RBBP5: variants seen among roughly 807,000 people sequenced by gnomAD.
The protein encoded by RBBP5 is RB binding protein 5, histone lysine methyltransferase complex subunit.
Under a neutral mutation model 72.2 loss-of-function variants are expected in RBBP5, and 5 were observed. The ratio of observed to expected loss-of-function variants is 0.07; its 90% CI spans 0.04 to 0.15. The LOEUF (loss-of-function observed/expected upper bound fraction) is 0.15, where lower values mean the gene tolerates loss of function less well. Among genes scored for constraint, RBBP5 ranks in the 10% least tolerant of loss-of-function variants. RBBP5 has a pLI of 1.00. For missense variants in RBBP5, 322 were observed against 652.2 expected, an observed-to-expected ratio of 0.49 and a Z score of 5.51; for synonymous variants, 209 against 237.2, an observed-to-expected ratio of 0.88 and a Z score of 1.09.
At chr1:205,109,954 T>C (rs989912306) in intron 3 of RBBP5, among the ~76,000 whole-genome samples, 1 of 152,070 alleles carries the variant, frequency 6.6e-6, no homozygotes, top group Non-Finnish European at 1.5e-5. Context: ...GCACCTCTGC[T>C]TGGGAGCTCC....
At chr1:205,113,047 G>A (rs749087610) in intron 3 of RBBP5, among the ~76,000 whole-genome samples, 1 of 152,078 alleles carries the variant, frequency 6.6e-6, no homozygotes, top group Non-Finnish European at 1.5e-5. Context: ...GGGATTTCAA[G>A]GTTGCAGTGA....
chr1:205,116,258 C>T (rs1574719498), intron 1 of RBBP5: 4 of 379,626 alleles, frequency 1.1e-5, no homozygotes, highest in Non-Finnish European at 2.0e-5. Flanking sequence ...TAACTACTCA[C>T]ATAAACATGT....
intron 13 of RBBP5, among the ~76,000 whole-genome samples, chr1:205,089,056 G>T (rs570386434): frequency 1.3e-5 from 2 of 152,288 alleles, no homozygotes; most frequent in African/African-American, 4.8e-5. Context: ...AGGGTTGGGG[G>T]AAAAGCAAAA....
chr1:205,090,066 C>T (rs1196533810), intron 13 of RBBP5, among the ~76,000 whole-genome samples: 1 of 152,148 alleles, frequency 6.6e-6, no homozygotes, highest in Non-Finnish European at 1.5e-5. Flanking sequence ...GTTGGCCAGA[C>T]TGGGCTTGAA....
chr1:205,104,045 T>A (rs368971450), intron 4 of RBBP5, 26 bp from the exon 5 acceptor site: 6 of 1,596,558 alleles, frequency 3.8e-6, no homozygotes, highest in Non-Finnish European at 5.1e-6. Flanking sequence ...AACAGTACAT[T>A]GGCTGTTGCT....
chr1:205,112,263 A>T (rs1196136824), intron 3 of RBBP5, among the ~76,000 whole-genome samples: 3 of 152,148 alleles, frequency 2.0e-5, no homozygotes, highest in African/African-American at 7.2e-5. Context: ...GGTTGCAGTG[A>T]GCCGAGATCG....
chr1:205,100,667 C>T (rs1461802079), intron 6 of RBBP5, among the ~76,000 whole-genome samples: 2 of 151,776 alleles, frequency 1.3e-5, no homozygotes, highest in East Asian at 1.9e-4. Flanking sequence ...ACTGTAATGA[C>T]ATTGAAAATC....
At chr1:205,111,833 G>A (rs1016584501) in intron 3 of RBBP5, among the ~76,000 whole-genome samples, 8 of 152,080 alleles carry the variant, frequency 5.3e-5, no homozygotes, top group Non-Finnish European at 5.9e-5. Context: ...TGGCAGACGA[G>A]GTTCTCCATG....
chr1:205,114,339 T>G (rs1656439566), intron 3 of RBBP5, among the ~76,000 whole-genome samples: 1 of 152,222 alleles, frequency 6.6e-6, no homozygotes, highest in Non-Finnish European at 1.5e-5. Context: ...TTACAGCAGA[T>G]TTCAACTGTT....
chr1:205,112,516 A>G (rs1656357299), intron 3 of RBBP5, among the ~76,000 whole-genome samples: 1 of 152,146 alleles, frequency 6.6e-6, no homozygotes, highest in Non-Finnish European at 1.5e-5. Context: ...CTAATCATCT[A>G]GAATTTCTCA....
At chr1:205,105,210 T>C (rs973043730) in intron 3 of RBBP5, 42 bp from the exon 4 acceptor site, 6 of 1,581,932 alleles carry the variant, frequency 3.8e-6, no homozygotes, top group Non-Finnish European at 5.2e-6. Context: ...ATTCTAAGTA[T>C]ATCATACCAC....
rs1655762162 is a variant in RBBP5, at chr1:205,100,143, G to C, written c.752+9C>G. 2 of 1,614,208 alleles carry C rather than the reference G, an allele frequency of 1.2e-6. No homozygotes were observed. The highest frequency in any genetic ancestry group is 1.7e-6 in the Non-Finnish European group (2 of 1,180,040). On this transcript the variant is annotated intron_variant, in intron 7 of 13. Transcript: ENST00000264515. ...ATGATCACATATTCTTCTAGGTTGT[G>C]ATACATACCTATTCACCAAATCCTG...
At chr1:205,109,308 G>GT (rs1377013276) in intron 3 of RBBP5, among the ~76,000 whole-genome samples, 1 of 152,232 alleles carries the variant, frequency 6.6e-6, no homozygotes, top group African/African-American at 2.4e-5. Context: ...CAAATACACT[G>GT]TAACAGGAAA....
At chr1:205,098,854 A>AAG in intron 10 of RBBP5, 135 bp downstream of exon 10, 2 of 536,892 alleles carry the variant, frequency 3.7e-6, no homozygotes, top group East Asian at 7.0e-5. Context: ...CAAAAAAAAA[A>AAG]AAAAAAAAAA....
At chr1:205,114,658 C>T (rs951785401) in intron 3 of RBBP5, 131 bp downstream of exon 3, 1 of 899,986 alleles carries the variant, frequency 1.1e-6, no homozygotes, top group East Asian at 2.9e-5. Context: ...CTACATAAAC[C>T]ATGATAAACT....
intron 13 of RBBP5, among the ~76,000 whole-genome samples, chr1:205,090,694 CTA>C (rs1655310826): frequency 6.6e-6 from 1 of 152,140 alleles, no homozygotes; most frequent in Non-Finnish European, 1.5e-5. Flanking sequence ...AAATGACCAG[CTA>C]TTATTGGTAC....
intron 1 of RBBP5, among the ~76,000 whole-genome samples, chr1:205,117,317 G>A (rs535378400): frequency 9.9e-5 from 15 of 152,090 alleles, no homozygotes; most frequent in Non-Finnish European, 1.5e-4. Context: ...GCTTCCCAAA[G>A]TGCTGAGATT....
chr1:205,097,314 G>C lies in RBBP5; in HGVS notation c.1166+12C>G, dbSNP rs143961465. ...CAGTAGCCAAGGTGCCCAGCCTTCCGGGCCGGCTCACCTGCTACAGAAGGC... is the reference window on the plus strand; with the variant it reads ...CAGTAGCCAAGGTGCCCAGCCTTCCCGGCCGGCTCACCTGCTACAGAAGGC... On this transcript the variant is annotated intron_variant, in intron 11 of 13. Coordinates refer to ENST00000264515, the MANE Select transcript of RBBP5 (RefSeq NM_005057.4). The C allele has an allele frequency of 3.3e-4, 508 of 1,551,502 alleles. 2 individuals are homozygous for C. In the African/African-American group the frequency reaches 6.3e-3, roughly 19 times the overall value.
chr1:205,104,927 T>C, intron 4 of RBBP5, 101 bp downstream of exon 4: 1 of 1,295,080 alleles, frequency 7.7e-7, no homozygotes, highest in Non-Finnish European at 1.1e-6. Context: ...TGAAGAGATG[T>C]GTATTTGCCT....
Sources: gnomAD v4.1 joint callset for allele counts (sites outside exome capture counted in the v4.1 genomes callset) on GRCh38, gnomAD v4.1.1 for gene constraint, MANE v1.5 for transcripts, NCBI Gene and HGNC (gene_info 2026-07-23, HGNC 2026-07-21) for gene names.